Variants in RPS6KA2 observed in about 807,000 individuals in gnomAD.
The protein encoded by RPS6KA2 is ribosomal protein S6 kinase alpha-2.
A neutral mutation model predicts 91.8 loss-of-function variants in RPS6KA2; 42 were observed. That is an observed-to-expected ratio of 0.46 (90% confidence interval 0.36 to 0.59). The LOEUF (loss-of-function observed/expected upper bound fraction) is 0.59, where lower values mean the gene tolerates loss of function less well. RPS6KA2 is among the 20% of genes least tolerant of loss of function. The pLI, the probability that RPS6KA2 is intolerant of heterozygous loss-of-function variation, is 0.00. For synonymous variants in RPS6KA2, 414 were observed against 393.6 expected (o/e 1.05, Z -0.61); for missense variants, 798 against 978.5 (o/e 0.82, Z 2.46).
At chr6:166,799,239 C>T (rs78893537) in intron 2 of RPS6KA2, among the ~76,000 whole-genome samples, 1,655 of 152,342 alleles carry the variant, frequency 0.011, 27 homozygotes, top group African/African-American at 0.034. Flanking sequence ...AGGGGCCCAT[C>T]CCCAGCATCG....
Position 166,625,321 on chromosome 6 carries a change from C to A in RPS6KA2, c.99+1600G>T, listed in dbSNP as rs866702552. Among the ~76,000 whole-genome samples the A allele has an allele frequency of 1.4e-3, 42 of 29,880 alleles. 3 individuals are homozygous for A. The highest frequency in any genetic ancestry group is 0.013 in the African/African-American group (40 of 3,148). 19.6% of individuals were successfully genotyped at this position (29,880 alleles called of 152,430 possible). Reference sequence around the variant, plus strand: ...GAAGAAACCTCGTTTCCTATTCCCACCACCCCCCCACCCCCCCCCCCGCTT... The same window carrying A: ...GAAGAAACCTCGTTTCCTATTCCCAACACCCCCCCACCCCCCCCCCCGCTT... On this transcript the variant is annotated intron_variant, in intron 1 of 20. Coordinates refer to ENST00000265678, the MANE Select transcript of RPS6KA2 (RefSeq NM_021135.6).
chr6:166,650,843 T>A (rs144736768), intron 2 of RPS6KA2, among the ~76,000 whole-genome samples: 1 of 152,236 alleles, frequency 6.6e-6, no homozygotes, highest in African/African-American at 2.4e-5. Flanking sequence ...CAGGTCTCGT[T>A]TGGGCAGGTG....
intron 1 of RPS6KA2, among the ~76,000 whole-genome samples, chr6:166,546,261 G>A (rs752934609): frequency 2.0e-5 from 3 of 152,144 alleles, no homozygotes; most frequent in Non-Finnish European, 4.4e-5. Flanking sequence ...ATGCAGATTA[G>A]GTCAAGCCAC....
At chr6:166,509,171 C>T (rs569714606) in intron 4 of RPS6KA2, among the ~76,000 whole-genome samples, 21 of 152,358 alleles carry the variant, frequency 1.4e-4, no homozygotes, top group African/African-American at 5.0e-4. Flanking sequence ...TCTGCCAGGA[C>T]TGTGTAAACT....
chr6:166,837,196 C>G (rs1239358681), intron 2 of RPS6KA2, among the ~76,000 whole-genome samples: 1 of 152,212 alleles, frequency 6.6e-6, no homozygotes, highest in Non-Finnish European at 1.5e-5. Context: ...GCCCAAGGAC[C>G]CAGGCCTCAA....
At chr6:166,678,734 G>C (rs1788690199) in intron 2 of RPS6KA2, among the ~76,000 whole-genome samples, 1 of 152,208 alleles carries the variant, frequency 6.6e-6, no homozygotes, top group Non-Finnish European at 1.5e-5. Flanking sequence ...ACCATGGCTG[G>C]CAAGCGACAA....
chr6:166,490,504 G>A lies in RPS6KA2; in HGVS notation c.818+167C>T, dbSNP rs150051381. Among the ~76,000 whole-genome samples, 3 of 152,282 alleles carry A rather than the reference G, an allele frequency of 2.0e-5. No homozygotes were observed. The highest frequency in any genetic ancestry group is 2.9e-5 in the Non-Finnish European group (2 of 68,024). ...TTACCACTGCTACTGGCGGACGAGC[G>A]CTACCATTTTGTGTAAAACCAGTGA... On this transcript the variant is annotated intron_variant, in intron 9 of 20. Transcript: ENST00000265678. The surrounding 1 kb of genome is among the most constrained non-coding windows in gnomAD (Gnocchi z 4.2).
In RPS6KA2 at chr6:166,741,744, C is replaced by A. The variant is rs533642011; in HGVS notation, c.123+116456G>T. On this transcript the variant is annotated intron_variant, in intron 2 of 21. Coordinates refer to the RPS6KA2 transcript ENST00000503859. Reference sequence around the variant, plus strand: ...GAGGTTAACGGAAGGGACAGAAACCCCAGAAAATTGCTCTCCTGGGAGTTC... The same window carrying A: ...GAGGTTAACGGAAGGGACAGAAACCACAGAAAATTGCTCTCCTGGGAGTTC... Among the ~76,000 whole-genome samples, 4 of 152,336 alleles carry A rather than the reference C, an allele frequency of 2.6e-5. No homozygotes were observed. The South Asian group carries it at 8.3e-4, about 32-fold the overall frequency.
At chr6:166,516,407 G>A (rs1463178325) in intron 3 of RPS6KA2, among the ~76,000 whole-genome samples, 1 of 152,244 alleles carries the variant, frequency 6.6e-6, no homozygotes, top group Non-Finnish European at 1.5e-5. Context: ...AATGCAGGCA[G>A]GCTCTGCAGG....
chr6:166,837,687 G>T (rs71571459), intron 2 of RPS6KA2, among the ~76,000 whole-genome samples: 27,352 of 152,052 alleles, frequency 0.18, 2,663 homozygotes, highest in African/African-American at 0.21. Context: ...TCTTCCACCC[G>T]CCCTCTGCCC....
At chr6:166,840,612 G>GC (rs1780445612) in intron 2 of RPS6KA2, among the ~76,000 whole-genome samples, 7 of 152,310 alleles carry the variant, frequency 4.6e-5, no homozygotes, top group Admixed American at 2.6e-4. Context: ...ATGCCAGTGA[G>GC]TTGTGTCCTG....
chr6:166,814,551 A>G (rs1779714668), intron 2 of RPS6KA2, among the ~76,000 whole-genome samples: 1 of 152,028 alleles, frequency 6.6e-6, no homozygotes, highest in African/African-American at 2.4e-5. Flanking sequence ...GCCCCTCTCA[A>G]TCGCTCACAT....
At chr6:166,416,695 A>C (rs1778543032) in intron 19 of RPS6KA2, among the ~76,000 whole-genome samples, 1 of 145,764 alleles carries the variant, frequency 6.9e-6, no homozygotes, top group African/African-American at 2.5e-5. Context: ...CATTACCTCC[A>C]CCATCATCTC....
intron 1 of RPS6KA2, among the ~76,000 whole-genome samples, chr6:166,607,055 T>A (rs1224001537): frequency 6.6e-6 from 1 of 151,550 alleles, no homozygotes; most frequent in Non-Finnish European, 1.5e-5. Flanking sequence ...GGCAGAAGAA[T>A]TGCTTGAACC....
intron 2 of RPS6KA2, among the ~76,000 whole-genome samples, chr6:166,759,952 AAACTT>A (rs1778122412): frequency 1.3e-5 from 2 of 152,376 alleles, no homozygotes; most frequent in South Asian, 4.1e-4. Flanking sequence ...ATTTTCCTGA[AAACTT>A]AACTCTGTGG....
intron 10 of RPS6KA2, among the ~76,000 whole-genome samples, chr6:166,485,356 C>A (rs1781368905): frequency 6.6e-6 from 1 of 152,140 alleles, no homozygotes; most frequent in South Asian, 2.1e-4. Context: ...CAGTTTACAG[C>A]ATTGCAAACT....
At chr6:166,818,004 T>A (rs1309919167) in intron 2 of RPS6KA2, among the ~76,000 whole-genome samples, 2 of 152,130 alleles carry the variant, frequency 1.3e-5, no homozygotes, top group Non-Finnish European at 2.9e-5. Context: ...ATTATAGGTG[T>A]GAGCCACTGC....
intron 2 of RPS6KA2, among the ~76,000 whole-genome samples, chr6:166,827,305 C>T (rs1046837074): frequency 3.4e-5 from 5 of 146,352 alleles, no homozygotes; most frequent in African/African-American, 1.3e-4. Context: ...GGAAGGACAC[C>T]TGCCCCGAAA....
intron 2 of RPS6KA2, among the ~76,000 whole-genome samples, chr6:166,795,099 C>G (rs1779191021): frequency 6.6e-6 from 1 of 151,974 alleles, no homozygotes; most frequent in Admixed American, 6.6e-5. Flanking sequence ...TTCTCATTTT[C>G]TACATTGTAA....
Sources: allele counts gnomAD v4.1 joint callset (sites outside exome capture counted in the v4.1 genomes callset), GRCh38; gene constraint gnomAD v4.1.1; non-coding constraint Gnocchi (gnomAD v3.1); transcripts MANE v1.5; gene names NCBI Gene and HGNC (gene_info 2026-07-23, HGNC 2026-07-21).